Variants in CNTNAP2 observed in about 807,000 individuals in gnomAD.
CNTNAP2 encodes contactin-associated protein-like 2.
Under a neutral mutation model 155.2 loss-of-function variants are expected in CNTNAP2, and 98 were observed. That is an observed-to-expected ratio of 0.63 (90% CI 0.54 to 0.75). CNTNAP2 has a LOEUF of 0.75. Among genes scored for constraint, CNTNAP2 ranks in the 30% least tolerant of loss-of-function variants. The pLI is 0.00. For synonymous variants in CNTNAP2, 651 were observed against 631.2 expected (o/e 1.03, Z -0.47); for missense variants, 1,727 against 1,688.1 (o/e 1.02, Z -0.40).
At chr7:146,536,663 GA>G (rs1202610535) in intron 1 of CNTNAP2, among the ~76,000 whole-genome samples, 1 of 148,784 alleles carries the variant, frequency 6.7e-6, no homozygotes, top group African/African-American at 2.5e-5. Flanking sequence ...ATCTAGAGCA[GA>G]AAAAAATAAA....
intron 8 of CNTNAP2, among the ~76,000 whole-genome samples, chr7:147,266,730 T>G (rs1804620087): frequency 6.6e-6 from 1 of 152,202 alleles, no homozygotes; most frequent in Non-Finnish European, 1.5e-5. Context: ...GTGGGAGTAG[T>G]TATAACCAGT....
chr7:147,361,664 A>G (rs1249720819), intron 9 of CNTNAP2, among the ~76,000 whole-genome samples: 1 of 152,186 alleles, frequency 6.6e-6, no homozygotes, highest in East Asian at 1.9e-4. Flanking sequence ...AGTAAGATAA[A>G]CTTGAATATA....
At chr7:146,140,500 G>A (rs920242804) in intron 1 of CNTNAP2, among the ~76,000 whole-genome samples, 26 of 152,056 alleles carry the variant, frequency 1.7e-4, no homozygotes, top group Non-Finnish European at 3.4e-4. Flanking sequence ...CTAAGACAGA[G>A]CATTTAAAAT....
intron 1 of CNTNAP2, among the ~76,000 whole-genome samples, chr7:146,544,696 A>G (rs1457767971): frequency 6.6e-6 from 1 of 151,782 alleles, no homozygotes; most frequent in Non-Finnish European, 1.5e-5. Context: ...CCTTTATCAC[A>G]AGAAGCAGAG....
chr7:146,159,778 C>G lies in CNTNAP2; in HGVS notation c.97+42805C>G, dbSNP rs559278463. Among the ~76,000 whole-genome samples, 7 of 152,280 alleles carry G rather than the reference C, an allele frequency of 4.6e-5. No individual in the cohort carries two copies. In the South Asian group the frequency reaches 1.4e-3, roughly 32 times the overall value. On this transcript the variant is annotated intron_variant, in intron 1 of 23. Coordinates refer to ENST00000361727, the MANE Select transcript of CNTNAP2 (RefSeq NM_014141.6). ...ACATACAACGAGACTTAGACTCCCA[C>G]ACAATAATTATGGGAGATTTTAACA... is the stretch of plus-strand genomic sequence containing the variant.
intron 20 of CNTNAP2, among the ~76,000 whole-genome samples, chr7:148,255,569 A>G (rs369315141): frequency 3.7e-4 from 56 of 152,320 alleles, no homozygotes; most frequent in African/African-American, 1.3e-3. Context: ...GAAATTTTTG[A>G]TATAAAACAT....
chr7:148,197,573 T>A (rs543856907), intron 18 of CNTNAP2, among the ~76,000 whole-genome samples: 1 of 152,306 alleles, frequency 6.6e-6, no homozygotes, highest in South Asian at 2.1e-4. Context: ...GCATTGGAGT[T>A]CAGTGTAAGC....
chr7:147,654,287 G>A (rs1016515783), intron 13 of CNTNAP2, among the ~76,000 whole-genome samples: 21 of 152,096 alleles, frequency 1.4e-4, no homozygotes, highest in Non-Finnish European at 2.6e-4. Flanking sequence ...TACTTTTTTG[G>A]CATCGGAATG....
intron 13 of CNTNAP2, among the ~76,000 whole-genome samples, chr7:147,648,753 T>C (rs2116938021): frequency 6.6e-6 from 1 of 152,226 alleles, no homozygotes; most frequent in Middle Eastern, 3.4e-3. Context: ...CACGTGGGAA[T>C]TGTGGGAGCT....
chr7:148,206,842 C>T (rs1795458506), intron 18 of CNTNAP2, among the ~76,000 whole-genome samples: 2 of 152,150 alleles, frequency 1.3e-5, no homozygotes, highest in African/African-American at 4.8e-5. Flanking sequence ...GGGTCCTTGT[C>T]CACCTCTTCA....
intron 1 of CNTNAP2, among the ~76,000 whole-genome samples, chr7:146,455,459 G>A (rs1796542073): frequency 6.6e-6 from 1 of 152,072 alleles, no homozygotes; most frequent in Non-Finnish European, 1.5e-5. Flanking sequence ...TGGGACATAA[G>A]TACTAGTTTG....
chr7:146,689,260 G>A (rs1217303071), intron 1 of CNTNAP2, among the ~76,000 whole-genome samples: 2 of 151,984 alleles, frequency 1.3e-5, no homozygotes, highest in Non-Finnish European at 2.9e-5. Flanking sequence ...TGCCTACCCT[G>A]TCTTTTGAAA....
chr7:146,470,858 G>A (rs940384876), intron 1 of CNTNAP2, among the ~76,000 whole-genome samples: 6 of 152,028 alleles, frequency 3.9e-5, no homozygotes, highest in Middle Eastern at 3.4e-3. Context: ...ATGAACCACC[G>A]TGCCAAGCCC....
intron 10 of CNTNAP2, among the ~76,000 whole-genome samples, chr7:147,439,656 C>G (rs1797606021): frequency 6.6e-6 from 1 of 151,980 alleles, no homozygotes. Context: ...TCTGAAAGAT[C>G]TGTCCAATTC....
intron 1 of CNTNAP2, among the ~76,000 whole-genome samples, chr7:146,448,090 GC>G (rs1796427474): frequency 6.6e-6 from 1 of 151,896 alleles, no homozygotes; most frequent in Non-Finnish European, 1.5e-5. Flanking sequence ...ACTTGAAATA[GC>G]ATTTACTGAG....
intron 10 of CNTNAP2, among the ~76,000 whole-genome samples, chr7:147,418,749 C>T (rs1797241236): frequency 6.6e-6 from 1 of 152,144 alleles, no homozygotes; most frequent in Non-Finnish European, 1.5e-5. Context: ...ACAGCTTATT[C>T]AAAGGACAAA....
chr7:147,658,230 C>T (rs1795556148), intron 13 of CNTNAP2, among the ~76,000 whole-genome samples: 1 of 112,362 alleles, frequency 8.9e-6, no homozygotes, highest in Non-Finnish European at 2.0e-5. Flanking sequence ...GCACTCCAGC[C>T]TGGGAGACAG....
intron 1 of CNTNAP2, among the ~76,000 whole-genome samples, chr7:146,317,907 G>A (rs1429846076): frequency 1.3e-5 from 2 of 152,108 alleles, no homozygotes; most frequent in South Asian, 2.1e-4. Flanking sequence ...TTTGGGAGGC[G>A]AAGGAGGGCG....
At chr7:146,463,353 CTTT>C (rs1563093718) in intron 1 of CNTNAP2, among the ~76,000 whole-genome samples, 1 of 152,074 alleles carries the variant, frequency 6.6e-6, no homozygotes. Flanking sequence ...TCCTTCCCTT[CTTT>C]TTGTCTCCTG....
Sources: gnomAD v4.1 joint callset for allele counts (sites outside exome capture counted in the v4.1 genomes callset) on GRCh38, gnomAD v4.1.1 for gene constraint, MANE v1.5 for transcripts, NCBI Gene and HGNC (gene_info 2026-07-23, HGNC 2026-07-21) for gene names.